RILPL1: variants seen among roughly 807,000 people sequenced by gnomAD.
RILPL1 encodes Rab interacting lysosomal protein like 1.
A neutral mutation model predicts 50.3 loss-of-function variants in RILPL1; 33 were observed. That is an observed-to-expected ratio of 0.66 (90% CI 0.50 to 0.88). RILPL1 has a LOEUF of 0.88. RILPL1 is among the 40% of genes least tolerant of loss of function. The probability of loss-of-function intolerance (pLI) is 0.00; values close to 1 mark genes in which losing one functional copy is unlikely to be tolerated. For synonymous variants in RILPL1, 205 were observed against 228.6 expected, an observed-to-expected ratio of 0.90 and a Z score of 0.93; for missense variants, 418 against 542.5, an observed-to-expected ratio of 0.77 and a Z score of 2.28.
Position 123,470,473 on chromosome 12 carries a change from C to CA in RILPL1, c.*2064dup, listed in dbSNP as rs57574691. On this transcript the variant is annotated 3_prime_UTR_variant, in exon 7 of 7. Coordinates refer to ENST00000376874, the MANE Select transcript of RILPL1 (RefSeq NM_178314.5). The stretch of plus-strand genomic sequence containing the variant: ...AGGTGACAGAGTGAGACCCTGTGTC[C>CA]AAAAAAAAAAAAAAAAAAAAGGCCA... 0.016 allele frequency: 1,365 copies of CA among 86,126 alleles called. 28 individuals are homozygous for CA. Among genetic ancestry groups the CA allele is most frequent in the African/African-American group, 0.045 (1,094 of 24,326 alleles). The allele number at this position is 86,126 out of a possible 1,614,324, so 5.3% of individuals were successfully genotyped here. A position where few individuals can be genotyped will look rare whatever the true frequency, so the allele number is the denominator to read the frequency against.
intron 2 of RILPL1, among the ~76,000 whole-genome samples, chr12:123,507,950 A>C (rs1883855561): frequency 1.9e-5 from 1 of 51,934 alleles, no homozygotes; most frequent in Non-Finnish European, 3.6e-5. Flanking sequence ...TCAAAAAAAA[A>C]AAGAAAAAAA....
At chr12:123,528,459 A>G (rs1480726540) in intron 1 of RILPL1, among the ~76,000 whole-genome samples, 2 of 142,666 alleles carry the variant, frequency 1.4e-5, no homozygotes, top group African/African-American at 2.6e-5. Context: ...ACGGAGTCTC[A>G]CTCTGTCACC....
intron 6 of RILPL1, among the ~76,000 whole-genome samples, chr12:123,481,651 G>T (rs932911703): frequency 2.0e-5 from 3 of 151,730 alleles, no homozygotes; most frequent in African/African-American, 7.3e-5. Flanking sequence ...CTGTCTCCCA[G>T]GTTCAAGCGA....
Position 123,498,792 on chromosome 12 carries a change from G to A in RILPL1, c.580-27C>T, listed in dbSNP as rs549047754. ...TGTAGAAAAAGGGAGACCATTGTGC[G>A]GGGCTGCCACCTGCGGTAGCTCAGG... On this transcript the variant is annotated intron_variant, in intron 3 of 6. Transcript: ENST00000376874. The surrounding 1 kb of genome is among the most constrained non-coding windows in gnomAD (Gnocchi z 4.3). 9.0e-5 allele frequency: 145 copies of A among 1,605,112 alleles called. No individual in the cohort carries two copies. Among genetic ancestry groups the A allele is most frequent in the Middle Eastern group, 1.7e-4 (1 of 6,056 alleles).
chr12:123,529,401 C>CCTGCCT (rs977503516), intron 1 of RILPL1, among the ~76,000 whole-genome samples: 4 of 152,172 alleles, frequency 2.6e-5, no homozygotes, highest in African/African-American at 9.7e-5. Context: ...AAGCGATTCT[C>CCTGCCT]CTGCCTCTGC....
At position 123,483,436 on chromosome 12, in the gene RILPL1, G is replaced by T. The variant is rs143747379; in HGVS notation, c.1067+744C>A. On this transcript the variant is annotated intron_variant, in intron 6 of 6. Transcript: ENST00000376874. ...AGATATTCTGTGGGAACAGGACCCA[G>T]CACGTGTTAGCTTCTTAGTAGATAC... 2.0e-3 allele frequency among the ~76,000 whole-genome samples: 302 copies of T among 152,352 alleles called. 1 individual carries two copies. The highest frequency in any genetic ancestry group is 7.0e-3 in the African/African-American group (293 of 41,584).
intron 1 of RILPL1, among the ~76,000 whole-genome samples, chr12:123,530,949 T>C (rs77785115): frequency 0.018 from 2,727 of 152,126 alleles, 45 homozygotes; most frequent in South Asian, 0.043. Context: ...AGAAAGTGTA[T>C]GTCCTTTACT....
chr12:123,485,798 G>A lies in RILPL1; in HGVS notation c.809C>T (p.Pro270Leu), dbSNP rs373318822. 71 of 1,604,738 alleles carry A rather than the reference G, an allele frequency of 4.4e-5. No homozygotes were observed. The highest frequency in any genetic ancestry group is 5.8e-5 in the Non-Finnish European group (68 of 1,176,220). The change falls in exon 5 of 7, where the codon CCG becomes CTG. Residue 270 changes from proline to leucine, a missense_variant. Transcript: ENST00000376874. The surrounding 1 kb of genome is among the most constrained non-coding windows in gnomAD (Gnocchi z 4.0). ...QNGEEEPETE[P>L]VGEESISDAE... ...GTCGGAGATGCTCTCCTCTCCCACCGGCTCCGTCTGGAGGAGGCAGAGATG... is the reference window on the plus strand; with the variant it reads ...GTCGGAGATGCTCTCCTCTCCCACCAGCTCCGTCTGGAGGAGGCAGAGATG...
At chr12:123,532,481 T>A (rs1434562338) in intron 1 of RILPL1, among the ~76,000 whole-genome samples, 1 of 152,040 alleles carries the variant, frequency 6.6e-6, no homozygotes, top group Non-Finnish European at 1.5e-5. Context: ...TTGGGACAAA[T>A]TGCTCCTCCC....
At chr12:123,477,829 T>C (rs1235184180) in intron 6 of RILPL1, among the ~76,000 whole-genome samples, 3 of 151,848 alleles carry the variant, frequency 2.0e-5, no homozygotes, top group Non-Finnish European at 4.4e-5. Context: ...ATACAGTCAT[T>C]GTGTGGGAAG....
intron 1 of RILPL1, among the ~76,000 whole-genome samples, chr12:123,528,426 GTTGT>G (rs930449631): frequency 8.0e-5 from 10 of 125,258 alleles, no homozygotes; most frequent in South Asian, 3.0e-4. Flanking sequence ...TTTTTTTGTT[GTTGT>G]TTGTTTTTTT....
intron 6 of RILPL1, among the ~76,000 whole-genome samples, chr12:123,482,001 T>C (rs1470926628): frequency 6.6e-6 from 1 of 152,024 alleles, no homozygotes; most frequent in Non-Finnish European, 1.5e-5. Context: ...GCCTCCTGAG[T>C]AGCTGGGACT....
intron 6 of RILPL1, among the ~76,000 whole-genome samples, chr12:123,479,203 C>T (rs1177739225): frequency 1.3e-5 from 2 of 152,206 alleles, no homozygotes; most frequent in East Asian, 1.9e-4. Flanking sequence ...CTCTGGGCCT[C>T]AGTTCCCTCA....
chr12:123,502,366 A>G (rs1883450574), intron 2 of RILPL1, among the ~76,000 whole-genome samples: 1 of 152,226 alleles, frequency 6.6e-6, no homozygotes, highest in Non-Finnish European at 1.5e-5. Context: ...CTTTGTGCAA[A>G]GCTGTCGTTT....
chr12:123,496,869 C>T (rs1201703089), intron 4 of RILPL1, among the ~76,000 whole-genome samples: 3 of 152,198 alleles, frequency 2.0e-5, no homozygotes, highest in African/African-American at 4.8e-5. Flanking sequence ...CAGTGTTGTG[C>T]GACCATCACC....
Position 123,491,935 on chromosome 12 carries a change from AG to A in RILPL1, c.802-6131del, listed in dbSNP as rs1237857281. Among the ~76,000 whole-genome samples, 1 of 152,024 alleles carries A rather than the reference AG, an allele frequency of 6.6e-6. No homozygotes were observed. Among genetic ancestry groups the A allele is most frequent in the Non-Finnish European group, 1.5e-5 (1 of 68,002 alleles). ...GGCACAAGAATTGCTTGAACCCAGGAGGCGGAGGTTGTGGTGAGCCAAGATC... is the reference window on the plus strand; with the variant it reads ...GGCACAAGAATTGCTTGAACCCAGGAGCGGAGGTTGTGGTGAGCCAAGATC... On this transcript the variant is annotated intron_variant, in intron 4 of 6. Transcript: ENST00000376874. The surrounding 1 kb of genome is among the most constrained non-coding windows in gnomAD (Gnocchi z 4.0).
At chr12:123,515,496 C>A (rs1354735216) in intron 2 of RILPL1, 1 of 151,194 alleles carries the variant, frequency 6.6e-6, no homozygotes, top group Non-Finnish European at 1.5e-5. Context: ...TGTCGCCAGG[C>A]TGGAATGCAG....
intron 4 of RILPL1, among the ~76,000 whole-genome samples, chr12:123,486,811 T>A (rs1415386097): frequency 6.6e-6 from 1 of 151,836 alleles, no homozygotes. Context: ...GGCAATTTTT[T>A]TTTTTTTGAG....
chr12:123,473,860 A>T (rs770656321), intron 6 of RILPL1: 1 of 152,002 alleles, frequency 6.6e-6, no homozygotes, highest in Non-Finnish European at 1.5e-5. Context: ...AAAAGTCACA[A>T]GCAAAAAGCC....
Sources: allele counts gnomAD v4.1 joint callset (sites outside exome capture counted in the v4.1 genomes callset), GRCh38; gene constraint gnomAD v4.1.1; non-coding constraint Gnocchi (gnomAD v3.1); transcripts MANE v1.5; gene names NCBI Gene and HGNC (gene_info 2026-07-23, HGNC 2026-07-21).